The following SPIRE1 variants were observed in gnomAD, a reference collection of about 807,000 sequenced individuals.
The protein encoded by SPIRE1 is protein spire homolog 1.
In SPIRE1, 40 loss-of-function variants were observed where a neutral mutation model predicts 94.1. The ratio of observed to expected loss-of-function variants is 0.43; its 90% confidence interval spans 0.33 to 0.55. SPIRE1 has a LOEUF of 0.55. SPIRE1 is among the 20% of genes least tolerant of loss of function. The pLI is 0.06. For missense variants in SPIRE1, 838 were observed against 975.2 expected (o/e 0.86, Z 1.87); for synonymous variants, 376 against 371.7 (o/e 1.01, Z -0.13).
At chr18:12,571,102 C>G (rs751975530) in intron 2 of SPIRE1, among the ~76,000 whole-genome samples, 3 of 151,924 alleles carry the variant, frequency 2.0e-5, no homozygotes, top group Non-Finnish European at 4.4e-5. Flanking sequence ...TGAGATGGAG[C>G]CTTACTCTGT....
chr18:12,487,149 G>A (rs552552056), intron 8 of SPIRE1, among the ~76,000 whole-genome samples: 11 of 152,144 alleles, frequency 7.2e-5, no homozygotes, highest in Admixed American at 2.0e-4. Flanking sequence ...CACCATGCCC[G>A]GCCAATTCAT....
At chr18:12,621,335 A>G (rs561696217) in intron 2 of SPIRE1, among the ~76,000 whole-genome samples, 1 of 152,220 alleles carries the variant, frequency 6.6e-6, no homozygotes, top group South Asian at 2.1e-4. Context: ...GTTAAAATAT[A>G]GAGTTACCAG....
chr18:12,619,952 A>G (rs2037419740), intron 2 of SPIRE1, among the ~76,000 whole-genome samples: 1 of 152,174 alleles, frequency 6.6e-6, no homozygotes. Flanking sequence ...AGAAAATCCT[A>G]AGGAATCTAC....
At chr18:12,534,929 C>T (rs940012410) in intron 4 of SPIRE1, among the ~76,000 whole-genome samples, 3 of 152,134 alleles carry the variant, frequency 2.0e-5, no homozygotes, top group African/African-American at 4.8e-5. Flanking sequence ...TAATATATAC[C>T]CATTACCTAA....
At chr18:12,489,909 C>A (rs2033172372) in intron 8 of SPIRE1, among the ~76,000 whole-genome samples, 2 of 152,152 alleles carry the variant, frequency 1.3e-5, no homozygotes, top group Admixed American at 1.3e-4. Context: ...TTTGCCATTG[C>A]TGCATTGAGC....
chr18:12,592,494 C>T (rs922851335), intron 2 of SPIRE1, among the ~76,000 whole-genome samples: 1 of 152,040 alleles, frequency 6.6e-6, no homozygotes, highest in Non-Finnish European at 1.5e-5. Flanking sequence ...AAAAAGGAAG[C>T]GAAGGAAGGT....
intron 2 of SPIRE1, among the ~76,000 whole-genome samples, chr18:12,629,137 T>C (rs983797907): frequency 3.9e-5 from 6 of 152,224 alleles, no homozygotes; most frequent in Non-Finnish European, 8.8e-5. Flanking sequence ...GGGAACAGGA[T>C]TGTTCTAGTT....
chr18:12,467,884 G>A (rs2032186244), intron 10 of SPIRE1, among the ~76,000 whole-genome samples: 1 of 152,300 alleles, frequency 6.6e-6, no homozygotes, highest in African/African-American at 2.4e-5. Flanking sequence ...GGGAGGTGGA[G>A]GTTGCGGTGA....
At chr18:12,654,284 C>T (rs1467169673) in intron 1 of SPIRE1, among the ~76,000 whole-genome samples, 1 of 145,706 alleles carries the variant, frequency 6.9e-6, no homozygotes, top group Non-Finnish European at 1.5e-5. Flanking sequence ...TTGCAGTCAG[C>T]CGAGACTGCA....
At chr18:12,603,113 G>A (rs781562000) in intron 2 of SPIRE1, among the ~76,000 whole-genome samples, 1 of 152,112 alleles carries the variant, frequency 6.6e-6, no homozygotes, top group Non-Finnish European at 1.5e-5. Flanking sequence ...GCCCATGGTT[G>A]GGCAAAATCA....
At chr18:12,479,321 T>C (rs2032754039) in intron 10 of SPIRE1, among the ~76,000 whole-genome samples, 1 of 151,868 alleles carries the variant, frequency 6.6e-6, no homozygotes, top group Non-Finnish European at 1.5e-5. Context: ...ACCAGAGGTA[T>C]GCACTACTGC....
At chr18:12,537,112 C>T (rs889355006) in intron 3 of SPIRE1, among the ~76,000 whole-genome samples, 3 of 152,090 alleles carry the variant, frequency 2.0e-5, no homozygotes, top group African/African-American at 7.2e-5. Flanking sequence ...AATAGGAAAC[C>T]TTCTTCACAG....
At chr18:12,453,243 G>T in intron 13 of SPIRE1, 105 bp from the exon 14 acceptor site, 1 of 663,080 alleles carries the variant, frequency 1.5e-6, no homozygotes, top group Non-Finnish European at 2.5e-6. Flanking sequence ...AAGCTGAACA[G>T]ACAAGAGGAG....
chr18:12,628,232 T>C (rs2037684201), intron 2 of SPIRE1, among the ~76,000 whole-genome samples: 1 of 151,986 alleles, frequency 6.6e-6, no homozygotes, highest in Admixed American at 6.6e-5. Context: ...AATTTTTGTA[T>C]AAAGAAAGGG....
At position 12,448,947 on chromosome 18, in the gene SPIRE1, G is replaced by A. The variant is rs975310256; in HGVS notation, c.*691C>T. On this transcript the variant is annotated 3_prime_UTR_variant, in exon 17 of 17. Coordinates refer to ENST00000409402, the MANE Select transcript of SPIRE1 (RefSeq NM_001128626.2). The surrounding 1 kb of genome is among the most constrained non-coding windows in gnomAD (Gnocchi z 4.4). ...TAATACATTCAAGATAGAGAATGAA[G>A]ACCTGTCATCCACTCAGGAGACACT... The A allele has an allele frequency of 8.5e-5, 13 of 152,576 alleles. No homozygotes were observed. The highest frequency in any genetic ancestry group is 2.9e-4 in the African/African-American group (12 of 41,440). The allele number at this position is 152,576 out of a possible 1,614,324, so 9.5% of individuals were successfully genotyped here. A position where few individuals can be genotyped will look rare whatever the true frequency, so the allele number is the denominator to read the frequency against.
intron 3 of SPIRE1, among the ~76,000 whole-genome samples, chr18:12,536,435 G>A (rs1268353081): frequency 6.6e-6 from 1 of 151,830 alleles, no homozygotes; most frequent in Non-Finnish European, 1.5e-5. Context: ...GGGAGAAGGA[G>A]AAGTCAAACA....
At chr18:12,480,233 C>A (rs573233967) in intron 9 of SPIRE1, among the ~76,000 whole-genome samples, 168 of 152,274 alleles carry the variant, frequency 1.1e-3, no homozygotes, top group Non-Finnish European at 1.3e-3. Context: ...AGGACACACA[C>A]AAAGCCTTAC....
At chr18:12,643,850 G>C (rs571703987) in intron 1 of SPIRE1, among the ~76,000 whole-genome samples, 1 of 151,818 alleles carries the variant, frequency 6.6e-6, no homozygotes, top group Admixed American at 6.6e-5. Context: ...TATGAATACA[G>C]TACTATTCTT....
intron 5 of SPIRE1, among the ~76,000 whole-genome samples, chr18:12,511,918 T>C (rs1159630002): frequency 6.6e-6 from 1 of 152,076 alleles, no homozygotes; most frequent in African/African-American, 2.4e-5. Context: ...TTAATAATAA[T>C]AAAAATCCTC....
Sources: allele counts gnomAD v4.1 joint callset (sites outside exome capture counted in the v4.1 genomes callset), GRCh38; gene constraint gnomAD v4.1.1; non-coding constraint Gnocchi (gnomAD v3.1); transcripts MANE v1.5; gene names NCBI Gene and HGNC (gene_info 2026-07-23, HGNC 2026-07-21).